TPP2: variants seen among roughly 807,000 people sequenced by gnomAD.
The protein encoded by TPP2 is tripeptidyl-peptidase 2.
A neutral mutation model predicts 155.9 loss-of-function variants in TPP2; 34 were observed. The observed-to-expected ratio is 0.22, with a 90% confidence interval of 0.17 to 0.29. The LOEUF is 0.29. Ranked by LOEUF, TPP2 falls within the 10% of genes least tolerant of loss-of-function variation. TPP2 has a pLI of 1.00. For synonymous variants in TPP2, 510 were observed against 529.4 expected, an observed-to-expected ratio of 0.96 and a Z score of 0.50; for missense variants, 1,028 against 1,522.3, an observed-to-expected ratio of 0.68 and a Z score of 5.40.
rs1278061044 is a variant in TPP2, at chr13:102,618,993, G to T, written c.620+147G>T. 8 of 1,007,558 alleles carry T rather than the reference G, an allele frequency of 7.9e-6. No homozygotes were observed. The East Asian group carries it at 2.4e-4, about 30-fold the overall frequency. 62.4% of individuals were successfully genotyped at this position (1,007,558 alleles called of 1,614,324 possible). On this transcript the variant is annotated intron_variant, in intron 5 of 29. Coordinates refer to ENST00000376052, the MANE Select transcript of TPP2 (RefSeq NM_001330588.2). ...ATTTAAGGGCCAAATTGGCATCTGG[G>T]TAGTTTTGGACAAGCCCCTTGAACT...
intron 29 of TPP2, 147 bp from the exon 30 acceptor site, chr13:102,678,080 G>A (rs1885403851): frequency 6.7e-6 from 5 of 746,614 alleles, no homozygotes; most frequent in African/African-American, 1.8e-5. Context: ...TGGGAAGGAG[G>A]ATCAATGGGT....
At chr13:102,640,641 ATTTTTTTTTTTTTTTTTT>A (rs5806315) in intron 16 of TPP2, among the ~76,000 whole-genome samples, 1 of 84,198 alleles carries the variant, frequency 1.2e-5, no homozygotes, top group South Asian at 4.6e-4. Context: ...CCTGGTAATA[ATTTTTTTTTTTTTTTTTT>A]TTTTTTTTTT....
chr13:102,672,161 G>A (rs1885022319), intron 27 of TPP2, among the ~76,000 whole-genome samples: 1 of 152,172 alleles, frequency 6.6e-6, no homozygotes, highest in African/African-American at 2.4e-5. Context: ...TCAGACACAG[G>A]TATCCAGTGA....
intron 8 of TPP2, among the ~76,000 whole-genome samples, chr13:102,628,983 C>T (rs1162915809): frequency 4.6e-5 from 7 of 152,174 alleles, no homozygotes; most frequent in African/African-American, 1.7e-4. Context: ...CTCATCTCCT[C>T]TACTTAATGT....
At chr13:102,650,203 CATA>C (rs1215793724) in intron 23 of TPP2, among the ~76,000 whole-genome samples, 2 of 152,158 alleles carry the variant, frequency 1.3e-5, no homozygotes, top group East Asian at 3.9e-4. Flanking sequence ...CACCTTTTGT[CATA>C]ATAATCATTT....
chr13:102,678,021 A>G (rs1291566592), intron 29 of TPP2, among the ~76,000 whole-genome samples: 1 of 152,164 alleles, frequency 6.6e-6, no homozygotes, highest in Non-Finnish European at 1.5e-5. Flanking sequence ...GATGAGAACA[A>G]TAGGTTGGTT....
chr13:102,651,338 G>T (rs1184765206), intron 23 of TPP2, 21 bp from the exon 24 acceptor site: 2 of 1,571,190 alleles, frequency 1.3e-6, no homozygotes, highest in Middle Eastern at 1.7e-4. Context: ...TTTTCTTACA[G>T]AATGTCGTTC....
chr13:102,672,092 C>A (rs1211812178), intron 27 of TPP2, among the ~76,000 whole-genome samples: 2 of 152,116 alleles, frequency 1.3e-5, no homozygotes, highest in Non-Finnish European at 2.9e-5. Context: ...CATGGGGCAC[C>A]ACCTGCCAAG....
At position 102,664,779 on chromosome 13, in the gene TPP2, CT is replaced by C. The variant is rs754906838; in HGVS notation, c.3241-10del. The C allele has an allele frequency of 5.6e-6, 9 of 1,606,414 alleles. No homozygotes were observed. The highest frequency in any genetic ancestry group is 1.7e-4 in the Middle Eastern group (1 of 6,058). On this transcript the variant is annotated splice_polypyrimidine_tract_variant and intron_variant, in intron 26 of 29. Coordinates refer to ENST00000376052, the MANE Select transcript of TPP2 (RefSeq NM_001330588.2). Reference sequence around the variant, plus strand: ...TTGATATACCTATTTTTTATTATTTCTTTTTTCCTCTCCAGGAACGAATGAA... The same window carrying C: ...TTGATATACCTATTTTTTATTATTTCTTTTTCCTCTCCAGGAACGAATGAA...
chr13:102,644,361 T>C (rs1414723025), intron 17 of TPP2, among the ~76,000 whole-genome samples, 196 bp from the exon 18 acceptor site: 1 of 151,872 alleles, frequency 6.6e-6, no homozygotes, highest in African/African-American at 2.4e-5. Flanking sequence ...TAAATAACTA[T>C]GTATATTTAA....
In TPP2 at chr13:102,648,000, G is replaced by A. The variant is rs183857594; in HGVS notation, c.2628+656G>A. Among the ~76,000 whole-genome samples, 6 of 152,160 alleles carry A rather than the reference G, an allele frequency of 3.9e-5. No individual in the cohort carries two copies. In the East Asian group the frequency reaches 7.7e-4, roughly 20 times the overall value. On this transcript the variant is annotated intron_variant, in intron 21 of 29. Transcript: ENST00000376052. ...AATTAGTTGTTAAAGGAATGGTATC[G>A]ATTTTCCTCAAAGCAAGTAGCAGTC...
intron 11 of TPP2, 37 bp downstream of exon 11, chr13:102,634,135 A>T (rs977075507): frequency 6.2e-7 from 1 of 1,607,546 alleles, no homozygotes; most frequent in Non-Finnish European, 8.5e-7. Context: ...ATTATTGCAG[A>T]CCAATATTTT....
chr13:102,619,580 C>G (rs1246386451), intron 5 of TPP2, among the ~76,000 whole-genome samples: 2 of 152,212 alleles, frequency 1.3e-5, no homozygotes, highest in African/African-American at 4.8e-5. Context: ...CCTCACTGCT[C>G]TCACAATTGT....
At chr13:102,657,328 T>G in intron 25 of TPP2, 121 bp downstream of exon 25, 1 of 604,280 alleles carries the variant, frequency 1.7e-6, no homozygotes, top group Non-Finnish European at 2.3e-6. Context: ...GGTAGGATTA[T>G]AGGTGCTTTT....
chr13:102,621,992 AT>A (rs1881203261), intron 5 of TPP2, among the ~76,000 whole-genome samples: 1 of 152,156 alleles, frequency 6.6e-6, no homozygotes, highest in Non-Finnish European at 1.5e-5. Context: ...ACCTTCGTAT[AT>A]TCTATTATTT....
At chr13:102,637,314 A>G (rs1459369936) in intron 14 of TPP2, 75 bp downstream of exon 14, 3 of 1,475,864 alleles carry the variant, frequency 2.0e-6, no homozygotes, top group African/African-American at 1.4e-5. Context: ...TCCAAAGTAT[A>G]TTTGCAATAT....
rs1410476214 is a variant in TPP2 at position 102,679,534 on chromosome 13, CT to C, written c.*1220del. ...CTGCTTAAAATTACTACCAGTAATCCTTAGTCACTCCCAACTGTTTCTGCTG... is the reference window on the plus strand; with the variant it reads ...CTGCTTAAAATTACTACCAGTAATCCTAGTCACTCCCAACTGTTTCTGCTG... On this transcript the variant is annotated 3_prime_UTR_variant, in exon 30 of 30. Transcript: ENST00000376052. The C allele has an allele frequency of 6.6e-6, 1 of 152,144 alleles. No individual in the cohort carries two copies. The highest frequency in any genetic ancestry group is 2.4e-5 in the African/African-American group (1 of 41,426). 9.4% of individuals were successfully genotyped at this position (152,144 alleles called of 1,614,324 possible). A position where few individuals can be genotyped will look rare whatever the true frequency, so the allele number is the denominator to read the frequency against.
chr13:102,673,618 G>A (rs569221201), intron 27 of TPP2, among the ~76,000 whole-genome samples: 54 of 152,324 alleles, frequency 3.5e-4, no homozygotes, highest in Admixed American at 1.5e-3. Context: ...GCAATGTGCC[G>A]TAGTGATTAA....
chr13:102,645,226 CCCAG>C (rs1883025773), intron 19 of TPP2, among the ~76,000 whole-genome samples: 1 of 152,176 alleles, frequency 6.6e-6, no homozygotes, highest in African/African-American at 2.4e-5. Context: ...GATAGCCGAT[CCCAG>C]TCATGACTAG....
Sources: allele counts gnomAD v4.1 joint callset (sites outside exome capture counted in the v4.1 genomes callset), GRCh38; gene constraint gnomAD v4.1.1; transcripts MANE v1.5; gene names NCBI Gene and HGNC (gene_info 2026-07-23, HGNC 2026-07-21).